The following PRDM5 variants were observed in gnomAD, a reference collection of about 807,000 sequenced individuals.
PRDM5 encodes the protein PR/SET domain 5.
PRDM5 carries 56 observed loss-of-function variants against 81.2 expected under a neutral mutation model. The observed-to-expected ratio is 0.69, with a 90% CI of 0.56 to 0.86. The LOEUF (loss-of-function observed/expected upper bound fraction) is 0.86. PRDM5 is among the 40% of genes least tolerant of loss of function. The pLI, the probability that PRDM5 is intolerant of heterozygous loss-of-function variation, is 0.00. For synonymous variants in PRDM5, 267 were observed against 256.4 expected (o/e 1.04, Z -0.39); for missense variants, 697 against 770.1 (o/e 0.91, Z 1.12).
intron 13 of PRDM5, among the ~76,000 whole-genome samples, chr4:120,765,780 A>C (rs1746288860): frequency 1.3e-5 from 2 of 152,196 alleles, no homozygotes; most frequent in Non-Finnish European, 2.9e-5. Flanking sequence ...ATAGAGGGTC[A>C]AACAGTGTAT....
At chr4:120,815,906 C>T (rs1029961566) in intron 7 of PRDM5, among the ~76,000 whole-genome samples, 5 of 152,182 alleles carry the variant, frequency 3.3e-5, no homozygotes, top group African/African-American at 1.2e-4. Context: ...ACCCAAAAGA[C>T]AGTCAAATTT....
At chr4:120,865,458 C>G (rs1761100681) in intron 2 of PRDM5, among the ~76,000 whole-genome samples, 1 of 152,182 alleles carries the variant, frequency 6.6e-6, no homozygotes, top group Non-Finnish European at 1.5e-5. Flanking sequence ...GATTTGTTCT[C>G]CTGTAGGATA....
chr4:120,841,124 A>G (rs4833685), intron 3 of PRDM5, among the ~76,000 whole-genome samples: 12 of 152,210 alleles, frequency 7.9e-5, no homozygotes, highest in Admixed American at 3.9e-4. Context: ...GACTCAATCA[A>G]GGATGATTAG....
At chr4:120,801,958 T>C (rs1329940890) in intron 8 of PRDM5, among the ~76,000 whole-genome samples, 3 of 149,432 alleles carry the variant, frequency 2.0e-5, no homozygotes, top group African/African-American at 7.7e-5. Flanking sequence ...ATGAAAACTT[T>C]TGTTATCATT....
intron 15 of PRDM5, among the ~76,000 whole-genome samples, chr4:120,699,409 C>CT (rs1053887523): frequency 1.3e-4 from 20 of 151,718 alleles, no homozygotes; most frequent in African/African-American, 4.8e-4. Flanking sequence ...GTAAGCATTA[C>CT]TTTATTTAAA....
intron 10 of PRDM5, among the ~76,000 whole-genome samples, chr4:120,788,438 G>A (rs1750082627): frequency 6.6e-6 from 1 of 152,118 alleles, no homozygotes; most frequent in African/African-American, 2.4e-5. Flanking sequence ...ATATTTGACA[G>A]AATGTTTGCT....
rs1579203571 is a variant in PRDM5, at chr4:120,907,675, C to T, written c.94-118G>A. 4.9e-6 allele frequency: 4 copies of T among 813,310 alleles called. No homozygotes were observed. The East Asian group carries it at 1.0e-4, about 21-fold the overall frequency. The allele number at this position is 813,310 out of a possible 1,614,324, so 50.4% of individuals were successfully genotyped here. A position where few individuals can be genotyped will look rare whatever the true frequency, so the allele number is the denominator to read the frequency against. On this transcript the variant is annotated intron_variant, in intron 1 of 15. Coordinates refer to ENST00000264808, the MANE Select transcript of PRDM5 (RefSeq NM_018699.4). ...AATCTTCATGCCCAAAGAAGAGATGCTTTTGAAATATTAACTAATTTACCC... is the reference window on the plus strand; with the variant it reads ...AATCTTCATGCCCAAAGAAGAGATGTTTTTGAAATATTAACTAATTTACCC...
chr4:120,727,954 AAG>A (rs1560994234), intron 14 of PRDM5, among the ~76,000 whole-genome samples: 1 of 150,888 alleles, frequency 6.6e-6, no homozygotes, highest in Non-Finnish European at 1.5e-5. Context: ...AAAAAAAAAA[AAG>A]AGAGAGAGAG....
intron 1 of PRDM5, among the ~76,000 whole-genome samples, chr4:120,911,761 G>C (rs1242599102): frequency 6.6e-6 from 1 of 152,102 alleles, no homozygotes; most frequent in Non-Finnish European, 1.5e-5. Context: ...AGCTTCCACA[G>C]ACCAAATTTA....
intron 3 of PRDM5, among the ~76,000 whole-genome samples, chr4:120,831,393 T>C (rs1379865372): frequency 6.6e-6 from 1 of 152,060 alleles, no homozygotes; most frequent in Non-Finnish European, 1.5e-5. Flanking sequence ...ACCACCTAAC[T>C]GTCAGGCATG....
At position 120,843,898 on chromosome 4, in the gene PRDM5, C is replaced by T. The variant is rs529745853; in HGVS notation, c.300+9520G>A. Among the ~76,000 whole-genome samples, 6 of 152,206 alleles carry T rather than the reference C, an allele frequency of 3.9e-5. No individual in the cohort carries two copies. The South Asian group carries it at 6.2e-4, about 16-fold the overall frequency. ...CTTCCCCACAGGGCATTTCTTGTGT[C>T]TATAAAGTCTTTATCTTTCCAAAGA... is the stretch of plus-strand genomic sequence containing the variant. On this transcript the variant is annotated intron_variant, in intron 3 of 15. Coordinates refer to ENST00000264808, the MANE Select transcript of PRDM5 (RefSeq NM_018699.4).
intron 12 of PRDM5, among the ~76,000 whole-genome samples, chr4:120,779,806 G>A (rs1410063127): frequency 1.3e-5 from 2 of 152,098 alleles, no homozygotes; most frequent in Non-Finnish European, 2.9e-5. Flanking sequence ...GGGAGTTTGA[G>A]GCTCAAGAAT....
In PRDM5 at chr4:120,804,315, T is replaced by C. The variant is rs915223901; in HGVS notation, c.946-4570A>G. 2.0e-4 allele frequency among the ~76,000 whole-genome samples: 30 copies of C among 151,600 alleles called. 1 individual carries two copies. The highest frequency in any genetic ancestry group is 1.6e-3 in the Admixed American group (24 of 15,262). On this transcript the variant is annotated intron_variant, in intron 8 of 15. Transcript: ENST00000264808. ...AATGAGACAGAAGTTAAAAAGGATA[T>C]CCAGGAATTGAACTCAGCTCTGCAC...
intron 14 of PRDM5, among the ~76,000 whole-genome samples, chr4:120,725,912 T>C (rs555337649): frequency 2.6e-5 from 4 of 152,168 alleles, no homozygotes; most frequent in African/African-American, 9.6e-5. Context: ...ATCTCTCATC[T>C]CGTATCTAAA....
chr4:120,893,835 AT>A (rs1425159635), intron 2 of PRDM5, among the ~76,000 whole-genome samples: 1 of 152,224 alleles, frequency 6.6e-6, no homozygotes, highest in Non-Finnish European at 1.5e-5. Context: ...TTTATCAAAT[AT>A]TAATAAGGTT....
chr4:120,799,687 A>G lies in PRDM5; in HGVS notation c.1004T>C (p.Leu335Pro). 1 of 1,612,890 alleles carries G rather than the reference A, an allele frequency of 6.2e-7. No homozygotes were observed. Among genetic ancestry groups the G allele is most frequent in the Non-Finnish European group, 8.5e-7 (1 of 1,179,714 alleles). Residue 335 changes from leucine (L) to proline (P), a missense_variant, in exon 9 of 16, where the codon CTA (leucine) becomes CCA (proline). Physicochemically the swap from Leu to Pro is moderately conservative, Grantham distance 98 (BLOSUM62 -3). This residue lies in a region of PRDM5 where 577 missense variants were observed against 606.7 expected (regional missense o/e 0.95). Transcript: ENST00000264808. ...CMKKFISANQ[L>P]KRHMITHSEK... is the part of the protein sequence containing the mutation. ...TGAGTGGGTGATCATATGACGTTTT[A>G]GCTGATTAGCTGAAATAAATTTCTT... is the stretch of plus-strand genomic sequence containing the variant.
At chr4:120,825,719 T>C (rs1302801477) in intron 3 of PRDM5, among the ~76,000 whole-genome samples, 3 of 152,102 alleles carry the variant, frequency 2.0e-5, no homozygotes, top group Admixed American at 6.5e-5. Context: ...TGTTATTTAT[T>C]ACTTTTGAAA....
intron 15 of PRDM5, among the ~76,000 whole-genome samples, chr4:120,700,044 T>C (rs1735137965): frequency 6.6e-6 from 1 of 152,064 alleles, no homozygotes; most frequent in Admixed American, 6.6e-5. Context: ...AATTTCAAAC[T>C]ATACTATAAG....
intron 1 of PRDM5, among the ~76,000 whole-genome samples, chr4:120,913,626 C>T (rs1209768788): frequency 6.6e-6 from 1 of 152,170 alleles, no homozygotes; most frequent in East Asian, 1.9e-4. Context: ...ACCCTCAAAC[C>T]TGTTACTTTC....
Sources: gnomAD v4.1 joint callset for allele counts (sites outside exome capture counted in the v4.1 genomes callset) on GRCh38, gnomAD v4.1.1 for gene constraint, gnomAD v4.1.1 regional missense constraint, MANE v1.5 for transcripts, NCBI Gene and HGNC (gene_info 2026-07-23, HGNC 2026-07-21) for gene names.